Variants in NOTCH1 observed in about 807,000 individuals in gnomAD.
NOTCH1 encodes the protein notch receptor 1, also known as neurogenic locus notch homolog protein 1.
Under a neutral mutation model 254.8 loss-of-function variants are expected in NOTCH1, and 37 were observed. The ratio of observed to expected loss-of-function variants is 0.15; its 90% CI spans 0.11 to 0.19. The LOEUF is 0.19. Among genes scored for constraint, NOTCH1 ranks in the 10% least tolerant of loss-of-function variants. NOTCH1 has a pLI of 1.00. For synonymous variants in NOTCH1, 1,731 were observed against 1,618.1 expected (o/e 1.07, Z -1.68); for missense variants, 2,972 against 3,708.6 (o/e 0.80, Z 5.16).
chr9:136,504,962 C>G lies in NOTCH1; in HGVS notation c.4729G>C (p.Val1577Leu). The G allele has an allele frequency of 6.3e-7, 1 of 1,588,638 alleles. No homozygotes were observed. Among genetic ancestry groups the G allele is most frequent in the South Asian group, 1.1e-5 (1 of 87,838 alleles). Residue 1577 changes from valine to leucine, a missense_variant, in exon 26 of 34, where the codon GTG becomes CTG. Around this residue, in one of 8 missense-constraint regions of NOTCH1, gnomAD observed 1,343 missense variants for 1,557.0 expected, o/e 0.86. Transcript: ENST00000651671. ...AGCTGCTCCGGCGGCATCAGCACCA[C>G]CACCACCAGCGTGCCGGCCGCCAGC... is the stretch of plus-strand genomic sequence containing the variant. ...ERLAAGTLVV[V>L]VLMPPEQLRN...
Position 136,500,668 on chromosome 9 carries a change from G to C in NOTCH1, c.5818C>G (p.Arg1940Gly), listed in dbSNP as rs745809124. The stretch of plus-strand genomic sequence containing the variant: ...AGCAGGCGCTTGGCGGCATCAGAGC[G>C]TGAGTAGCGGGCGGCCAGGTGCAAG... ...TALHLAARYS[R>G]SDAAKRLLEA... Residue 1940 changes from arginine (R) to glycine (G), a missense_variant, in exon 31 of 34, where the codon CGC becomes GGC. Arg to Gly is a moderately radical substitution (Grantham distance 125). Transcript: ENST00000651671. 6.2e-7 allele frequency: 1 copy of C among 1,611,638 alleles called. No homozygotes were observed. The highest frequency in any genetic ancestry group is 8.5e-7 in the Non-Finnish European group (1 of 1,179,904).
In NOTCH1 at chr9:136,522,922, G is replaced by C. The variant is rs1843396147; in HGVS notation, c.670C>G (p.Pro224Ala). ...NCERPYVPCS[P>A]SPCQNGGTCR... ...GTGCCCCCGTTCTGGCAGGGCGAGG[G>C]GCTGCAGGGCACGTAGGGCCGCTCG... Residue 224 changes from proline to alanine, a missense_variant, in exon 4 of 34, where the codon CCC (proline) becomes GCC (alanine). Transcript: ENST00000651671. 2.6e-6 allele frequency: 4 copies of C among 1,549,212 alleles called. No homozygotes were observed. Among genetic ancestry groups the C allele is most frequent in the Non-Finnish European group, 3.5e-6 (4 of 1,145,934 alleles).
rs1271409535 is a variant in NOTCH1, at chr9:136,497,472, G to T, written c.6267C>A (p.Ile2089=). 1 of 1,612,292 alleles carries T rather than the reference G, an allele frequency of 6.2e-7. No homozygotes were observed. Among genetic ancestry groups the T allele is most frequent in the Non-Finnish European group, 8.5e-7 (1 of 1,179,906 alleles). ...VLLDHFANRD[I]TDHMDRLPRD... The stretch of plus-strand genomic sequence containing the variant: ...GCGGCAGGCGGTCCATATGATCCGT[G>T]ATGTCCCGGTTGGCAAAGTGGTCCA... Residue 2089 remains isoleucine (I), a synonymous_variant, in exon 34 of 34, where the codon ATC becomes ATA. Coordinates refer to ENST00000651671, the MANE Select transcript of NOTCH1 (RefSeq NM_017617.5).
intron 13 of NOTCH1, 144 bp downstream of exon 13, chr9:136,514,366 C>A: frequency 1.2e-6 from 1 of 841,624 alleles, no homozygotes; most frequent in Non-Finnish European, 1.9e-6. Flanking sequence ...GCATGTGCGT[C>A]CCCGAGGGGA....
chr9:136,511,699 G>A (rs765206262), intron 15 of NOTCH1, among the ~76,000 whole-genome samples: 3 of 152,222 alleles, frequency 2.0e-5, no homozygotes, highest in East Asian at 1.9e-4. Context: ...GCCTGAGACC[G>A]AGGCCTGAAA....
intron 2 of NOTCH1, among the ~76,000 whole-genome samples, chr9:136,537,504 A>C (rs552777178): frequency 2.6e-5 from 4 of 152,316 alleles, no homozygotes; most frequent in Non-Finnish European, 4.4e-5. Flanking sequence ...TGTTTTGTGC[A>C]GTGAGAAAGT....
At chr9:136,535,253 G>T (rs1370956948) in intron 2 of NOTCH1, among the ~76,000 whole-genome samples, 2 of 151,908 alleles carry the variant, frequency 1.3e-5, no homozygotes, top group Non-Finnish European at 2.9e-5. Flanking sequence ...AGGCCCCCAG[G>T]GTTCACAAGG....
chr9:136,527,753 C>T (rs1014869666), intron 2 of NOTCH1, among the ~76,000 whole-genome samples: 5 of 152,226 alleles, frequency 3.3e-5, no homozygotes, highest in Non-Finnish European at 5.9e-5. Context: ...CCATCCCCCA[C>T]GCTCAGTGGC....
At chr9:136,543,826 A>C in intron 2 of NOTCH1, 198 bp downstream of exon 2, 1 of 667,980 alleles carries the variant, frequency 1.5e-6, no homozygotes, top group Admixed American at 2.1e-5. Flanking sequence ...CAGCAGCCAG[A>C]CCAGCTCCAC....
Position 136,513,834 on chromosome 9 carries a change from G to A in NOTCH1, c.2208-297C>T, listed in dbSNP as rs1403256628. ...ATACAAAAATTAGCCAGGTGTGGTG[G>A]CACATGCCTGTAATCTCAGCTACTC... On this transcript the variant is annotated intron_variant, in intron 13 of 33. Transcript: ENST00000651671. The surrounding 1 kb of genome is among the most constrained non-coding windows in gnomAD (Gnocchi z 4.7). Among the ~76,000 whole-genome samples, 1 of 152,212 alleles carries A rather than the reference G, an allele frequency of 6.6e-6. No homozygotes were observed. The highest frequency in any genetic ancestry group is 1.5e-5 in the Non-Finnish European group (1 of 68,034).
At chr9:136,510,870 T>A in intron 16 of NOTCH1, 65 bp from the exon 17 acceptor site, 1 of 1,594,882 alleles carries the variant, frequency 6.3e-7, no homozygotes, top group Admixed American at 1.7e-5. Flanking sequence ...CTTCCCAGGC[T>A]GGCCCACCCA....
chr9:136,517,734 TG>T lies in NOTCH1; in HGVS notation c.1441+17del. The T allele has an allele frequency of 6.2e-7, 1 of 1,612,410 alleles. No individual in the cohort carries two copies. Among genetic ancestry groups the T allele is most frequent in the Non-Finnish European group, 8.5e-7 (1 of 1,179,804 alleles). ...CCAGCCTCGACTCGGTTTCCCGCCC[TG>T]GCCCCGGCCGACGCACCGGGCATGC... On this transcript the variant is annotated intron_variant, in intron 8 of 33. Coordinates refer to ENST00000651671, the MANE Select transcript of NOTCH1 (RefSeq NM_017617.5).
rs756608615 is a variant in NOTCH1, at chr9:136,494,703, T to C, written c.*1368A>G. The C allele has an allele frequency of 1.1e-4, 43 of 398,296 alleles. No individual in the cohort carries two copies. Among genetic ancestry groups the C allele is most frequent in the Non-Finnish European group, 1.9e-4 (42 of 226,014 alleles). The allele number at this position is 398,296 out of a possible 1,614,324, so 24.7% of individuals were successfully genotyped here. On this transcript the variant is annotated 3_prime_UTR_variant, in exon 34 of 34. Transcript: ENST00000651671. ...ACGGCAGCGGAGCGTCCCCAGTGCA[T>C]GGGCGGCTAAGGCTCCCCGAGCTGA...
chr9:136,495,342 A>T lies in NOTCH1; in HGVS notation c.*729T>A, dbSNP rs1191483094. 1.3e-5 allele frequency: 5 copies of T among 398,728 alleles called. No individual in the cohort carries two copies. The highest frequency in any genetic ancestry group is 4.4e-5 in the Admixed American group (1 of 22,716). The allele number at this position is 398,728 out of a possible 1,614,324, so 24.7% of individuals were successfully genotyped here. A position where few individuals can be genotyped will look rare whatever the true frequency, so the allele number is the denominator to read the frequency against. ...GAACAACTACATAATACTGAACCTGAAACAAAGATTCATGATTGGTACCAT... is the reference window on the plus strand; with the variant it reads ...GAACAACTACATAATACTGAACCTGTAACAAAGATTCATGATTGGTACCAT... On this transcript the variant is annotated 3_prime_UTR_variant, in exon 34 of 34. Coordinates refer to ENST00000651671, the MANE Select transcript of NOTCH1 (RefSeq NM_017617.5).
chr9:136,501,934 G>A (rs745513308), intron 29 of NOTCH1, 21 bp from the exon 30 acceptor site: 11 of 1,611,432 alleles, frequency 6.8e-6, no homozygotes, highest in Non-Finnish European at 9.3e-6. Flanking sequence ...GGAGTGAGCA[G>A]AGCCTGTCAG....
rs952060677 is a variant in NOTCH1, at chr9:136,496,263, C to T, written c.7476G>A (p.Ser2492=). Residue 2492 remains serine, a synonymous_variant, in exon 34 of 34, where the codon TCG becomes TCA. Coordinates refer to ENST00000651671, the MANE Select transcript of NOTCH1 (RefSeq NM_017617.5). ...LTPPSQHSYS[S]PVDNTPSHQL... ...GGTGGCTGGGGGTGTTGTCCACAGG[C>T]GAGGAGTAGCTGTGCTGCGAGGGGG... 9.4e-6 allele frequency: 15 copies of T among 1,602,234 alleles called. No homozygotes were observed. The highest frequency in any genetic ancestry group is 3.3e-4 in the Middle Eastern group (2 of 6,040).
At chr9:136,543,982 T>G in intron 2 of NOTCH1, 42 bp downstream of exon 2, 1 of 1,530,592 alleles carries the variant, frequency 6.5e-7, no homozygotes. Context: ...GCAGGGGCTC[T>G]GCCCTCGACA....
rs1026364213 is a variant in NOTCH1, at chr9:136,532,770, G to A, written c.141-8791C>T. Among the ~76,000 whole-genome samples the A allele has an allele frequency of 9.9e-5, 15 of 152,212 alleles. 1 individual carries two copies. The highest frequency in any genetic ancestry group is 4.1e-4 in the South Asian group (2 of 4,838). ...GAGCTCAGAGAGGTGGTGGCGGCCC[G>A]GGGTCGCACGGCCCACGTGGGGGAA... On this transcript the variant is annotated intron_variant, in intron 2 of 33. Transcript: ENST00000651671.
At position 136,494,963 on chromosome 9, in the gene NOTCH1, C is replaced by T; in HGVS notation, c.*1108G>A. The T allele has an allele frequency of 2.5e-6, 1 of 398,850 alleles. No homozygotes were observed. Among genetic ancestry groups the T allele is most frequent in the Non-Finnish European group, 4.4e-6 (1 of 226,012 alleles). The allele number at this position is 398,850 out of a possible 1,614,324, so 24.7% of individuals were successfully genotyped here. A position where few individuals can be genotyped will look rare whatever the true frequency, so the allele number is the denominator to read the frequency against. On this transcript the variant is annotated 3_prime_UTR_variant, in exon 34 of 34. Transcript: ENST00000651671. ...CCCTGCCAGGGCTGCGGGGACAGGA[C>T]CAAAGGACGCAGCCCACGGCGTTGC...
Sources: allele counts gnomAD v4.1 joint callset (sites outside exome capture counted in the v4.1 genomes callset), GRCh38; gene constraint gnomAD v4.1.1; regional missense constraint gnomAD v4.1.1; non-coding constraint Gnocchi (gnomAD v3.1); transcripts MANE v1.5; gene names NCBI Gene and HGNC (gene_info 2026-07-23, HGNC 2026-07-21).